MYLK: variants seen among roughly 807,000 people sequenced by gnomAD.
MYLK encodes the protein myosin light chain kinase, smooth muscle.
In MYLK, 106 loss-of-function variants were observed where a neutral mutation model predicts 203.4. The ratio of observed to expected loss-of-function variants is 0.52; its 90% CI spans 0.45 to 0.61. MYLK has a LOEUF of 0.61. Ranked by LOEUF, MYLK falls within the 20% of genes least tolerant of loss-of-function variation. MYLK has a pLI of 0.00. For missense variants in MYLK, 2,072 were observed against 2,442.3 expected (o/e 0.85, Z 3.20); for synonymous variants, 867 against 959.5 (o/e 0.90, Z 1.78).
chr3:123,743,071 T>A lies in MYLK; in HGVS notation c.374-3070A>T, dbSNP rs1253672328. ...AGTGATGGCTGCACAACACTGTGAA[T>A]GTACTTAATGACAATTGTACACTTT... On this transcript the variant is annotated intron_variant, in intron 5 of 33. Transcript: ENST00000360304. 2.0e-5 allele frequency among the ~76,000 whole-genome samples: 3 copies of A among 152,216 alleles called. No individual in the cohort carries two copies. The South Asian group carries it at 6.2e-4, about 32-fold the overall frequency.
intron 2 of MYLK, among the ~76,000 whole-genome samples, chr3:123,842,780 G>A (rs2066625228): frequency 6.6e-6 from 1 of 152,218 alleles, no homozygotes; most frequent in South Asian, 2.1e-4. Flanking sequence ...TTACATACCA[G>A]TCAGTGTTCT....
chr3:123,693,950 A>T (rs1450233651), intron 18 of MYLK, among the ~76,000 whole-genome samples: 1 of 152,174 alleles, frequency 6.6e-6, no homozygotes, highest in Non-Finnish European at 1.5e-5. Flanking sequence ...CTCCCATCTC[A>T]TGTCCCACAA....
chr3:123,750,335 G>A (rs1011203417), intron 5 of MYLK, among the ~76,000 whole-genome samples: 6 of 152,172 alleles, frequency 3.9e-5, no homozygotes, highest in African/African-American at 1.2e-4. Context: ...GAGAGCCTTA[G>A]CCTGCTCTCC....
At chr3:123,880,121 T>C (rs1392914933) in intron 1 of MYLK, among the ~76,000 whole-genome samples, 1 of 152,234 alleles carries the variant, frequency 6.6e-6, no homozygotes, top group African/African-American at 2.4e-5. Flanking sequence ...CTATATTCAT[T>C]TAATTTTTAT....
At chr3:123,796,922 T>G (rs2065007881) in intron 3 of MYLK, among the ~76,000 whole-genome samples, 1 of 152,174 alleles carries the variant, frequency 6.6e-6, no homozygotes, top group Non-Finnish European at 1.5e-5. Flanking sequence ...AAATATATTA[T>G]TGGGAAAGAA....
At chr3:123,847,704 C>T (rs1448139503) in intron 2 of MYLK, among the ~76,000 whole-genome samples, 1 of 152,022 alleles carries the variant, frequency 6.6e-6, no homozygotes, top group African/African-American at 2.4e-5. Flanking sequence ...TTCTTTATGA[C>T]ATTAATATAT....
intron 2 of MYLK, among the ~76,000 whole-genome samples, chr3:123,856,228 T>C (rs1021710879): frequency 1.3e-5 from 2 of 152,190 alleles, no homozygotes; most frequent in African/African-American, 4.8e-5. Flanking sequence ...GAACGCTTTG[T>C]TGCCTGTGAG....
At chr3:123,626,308 T>C (rs184028189) in intron 31 of MYLK, among the ~76,000 whole-genome samples, 8 of 152,330 alleles carry the variant, frequency 5.3e-5, no homozygotes, top group East Asian at 3.9e-4. Context: ...CCCCGCTTTA[T>C]AGATGAGAAA....
chr3:123,664,320 G>A, intron 22 of MYLK, 62 bp from the exon 23 acceptor site: 8 of 1,609,194 alleles, frequency 5.0e-6, no homozygotes, highest in Non-Finnish European at 6.0e-6. Flanking sequence ...AAAGGAAGGG[G>A]GCTCCTCCCC....
chr3:123,618,721 A>C lies in MYLK; in HGVS notation c.5418T>G (p.His1806Gln), dbSNP rs551716136. The C allele has an allele frequency of 1.2e-6, 2 of 1,614,194 alleles. No homozygotes were observed. Among genetic ancestry groups the C allele is most frequent in the East Asian group, 2.2e-5 (1 of 44,888 alleles). The change falls in exon 33 of 34, where the codon CAT becomes CAG. Residue 1806 changes from histidine to glutamine, a missense_variant. By Grantham distance (24) the His-to-Gln change is conservative (BLOSUM62 0). Coordinates refer to ENST00000360304, the MANE Select transcript of MYLK (RefSeq NM_053025.4). ...FLEAVAEEKP[H>Q]VKPYFSKTIR... ...TGGTCTTAGAGAAATAGGGTTTTAC[A>C]TGAGGCTTTTCCTCAGCAACAGCCT...
chr3:123,722,093 A>G, intron 13 of MYLK, 35 bp downstream of exon 13: 3 of 1,555,034 alleles, frequency 1.9e-6, no homozygotes, highest in Non-Finnish European at 2.6e-6. Flanking sequence ...GCCTGCAGGA[A>G]AGGTGCTTCT....
At position 123,876,626 on chromosome 3, in the gene MYLK, C is replaced by A. The variant is rs1288182015; in HGVS notation, c.-185-9G>T. 1 of 152,106 alleles carries A rather than the reference C, an allele frequency of 6.6e-6. No individual in the cohort carries two copies. The highest frequency in any genetic ancestry group is 1.5e-5 in the Non-Finnish European group (1 of 68,018). 9.4% of individuals were successfully genotyped at this position (152,106 alleles called of 1,614,324 possible). A position where few individuals can be genotyped will look rare whatever the true frequency, so the allele number is the denominator to read the frequency against. On this transcript the variant is annotated splice_polypyrimidine_tract_variant and intron_variant, in intron 1 of 33. Coordinates refer to ENST00000360304, the MANE Select transcript of MYLK (RefSeq NM_053025.4). ...ATTTTGAAGAATCCTTCCTAATACA[C>A]AAATCAAAGAAATAATAGAAACAAT...
At chr3:123,763,249 A>T (rs2063591634) in intron 4 of MYLK, among the ~76,000 whole-genome samples, 1 of 152,244 alleles carries the variant, frequency 6.6e-6, no homozygotes, top group Non-Finnish European at 1.5e-5. Context: ...GGTCAAATGC[A>T]TCAGATAACT....
chr3:123,830,352 T>C (rs1033201994), intron 3 of MYLK, among the ~76,000 whole-genome samples: 2 of 152,226 alleles, frequency 1.3e-5, no homozygotes, highest in Non-Finnish European at 2.9e-5. Flanking sequence ...CTTTTCCCTT[T>C]ATCAGCCATA....
intron 2 of MYLK, among the ~76,000 whole-genome samples, chr3:123,863,439 A>C (rs1197312410): frequency 6.6e-6 from 1 of 152,018 alleles, no homozygotes; most frequent in Non-Finnish European, 1.5e-5. Flanking sequence ...TACAAATTAG[A>C]AAAACATGTT....
intron 16 of MYLK, among the ~76,000 whole-genome samples, chr3:123,703,012 A>G (rs970097891): frequency 5.3e-5 from 8 of 152,178 alleles, no homozygotes; most frequent in African/African-American, 1.9e-4. Context: ...AACCATACAC[A>G]TGATGTACAC....
At chr3:123,875,998 A>G (rs1206582394) in intron 2 of MYLK, among the ~76,000 whole-genome samples, 1 of 152,212 alleles carries the variant, frequency 6.6e-6, no homozygotes, top group Non-Finnish European at 1.5e-5. Context: ...ACATAGACAA[A>G]ACCCTGGTAG....
At chr3:123,687,727 C>T (rs918479003) in intron 19 of MYLK, among the ~76,000 whole-genome samples, 4 of 151,418 alleles carry the variant, frequency 2.6e-5, no homozygotes, top group Non-Finnish European at 4.4e-5. Context: ...GCTGGAGTAC[C>T]GTGGTACAAT....
chr3:123,673,820 C>A (rs985540872), intron 20 of MYLK, among the ~76,000 whole-genome samples: 10 of 152,206 alleles, frequency 6.6e-5, no homozygotes, highest in African/African-American at 1.9e-4. Flanking sequence ...AACCCATCCA[C>A]CTTTGCAAAC....
Sources: allele counts gnomAD v4.1 joint callset (sites outside exome capture counted in the v4.1 genomes callset), GRCh38; gene constraint gnomAD v4.1.1; transcripts MANE v1.5; gene names NCBI Gene and HGNC (gene_info 2026-07-23, HGNC 2026-07-21).